The following ANKRD11 variants were observed in gnomAD, a reference collection of about 807,000 sequenced individuals.
ANKRD11 encodes the protein ankyrin repeat domain 11, also known as ankyrin repeat domain-containing protein 11.
A neutral mutation model predicts 195.7 loss-of-function variants in ANKRD11; 17 were observed. The observed-to-expected ratio is 0.09, with a 90% CI of 0.06 to 0.13. ANKRD11 has a LOEUF of 0.13. Among genes scored for constraint, ANKRD11 ranks in the 10% least tolerant of loss-of-function variants. The pLI, the probability that ANKRD11 is intolerant of heterozygous loss-of-function variation, is 1.00. For missense variants in ANKRD11, 3,735 were observed against 3,566.1 expected (o/e 1.05, Z -1.21); for synonymous variants, 1,953 against 1,528.1 (o/e 1.28, Z -6.49).
intron 2 of ANKRD11, among the ~76,000 whole-genome samples, chr16:89,335,893 G>C (rs551554360): frequency 4.6e-5 from 7 of 152,292 alleles, no homozygotes; most frequent in Middle Eastern, 6.8e-3. Flanking sequence ...ATCCCCACAC[G>C]CCAGCAGCTG....
intron 4 of ANKRD11, among the ~76,000 whole-genome samples, chr16:89,304,221 C>G (rs935453106): frequency 2.6e-5 from 4 of 152,202 alleles, no homozygotes; most frequent in African/African-American, 9.7e-5. Flanking sequence ...CTGCAGAAGG[C>G]GCTGACCCCA....
Position 89,305,226 on chromosome 16 carries a change from TCCC to T in ANKRD11, c.203_205del (p.Gly68del). On this transcript the variant is annotated inframe_deletion, in exon 4 of 13. Transcript: ENST00000301030. Reference sequence around the variant, plus strand: ...GGTACCTGTGTCCGAGTCCTTCTGCTCCCCATTGGCGCCCGCGGTGAAGGGCAG... The same window carrying T: ...GGTACCTGTGTCCGAGTCCTTCTGCTCATTGGCGCCCGCGGTGAAGGGCAG... The T allele has an allele frequency of 6.2e-7, 1 of 1,613,304 alleles. No individual in the cohort carries two copies. Among genetic ancestry groups the T allele is most frequent in the Non-Finnish European group, 8.5e-7 (1 of 1,179,866 alleles).
At chr16:89,445,972 A>G (rs910787884) in intron 1 of ANKRD11, among the ~76,000 whole-genome samples, 2 of 150,682 alleles carry the variant, frequency 1.3e-5, no homozygotes, top group Non-Finnish European at 3.0e-5. Context: ...TCCGTCTCAA[A>G]AACAAAAACA....
chr16:89,440,177 T>G (rs562429462), intron 1 of ANKRD11, among the ~76,000 whole-genome samples: 18 of 152,340 alleles, frequency 1.2e-4, no homozygotes, highest in African/African-American at 4.3e-4. Context: ...ATGGCAGGGT[T>G]CACAGGATTC....
intron 2 of ANKRD11, among the ~76,000 whole-genome samples, chr16:89,367,495 C>A (rs1269450848): frequency 6.6e-6 from 1 of 152,212 alleles, no homozygotes; most frequent in Admixed American, 6.5e-5. Context: ...GAGTGTACAG[C>A]TGCCATGGTC....
At chr16:89,408,399 T>A (rs1272322250) in intron 2 of ANKRD11, among the ~76,000 whole-genome samples, 1 of 152,228 alleles carries the variant, frequency 6.6e-6, no homozygotes, top group Non-Finnish European at 1.5e-5. Flanking sequence ...CCCAGTTGCC[T>A]GGGCAGAGGA....
At chr16:89,388,513 A>AAC (rs1460800199) in intron 2 of ANKRD11, among the ~76,000 whole-genome samples, 1 of 152,022 alleles carries the variant, frequency 6.6e-6, no homozygotes, top group Non-Finnish European at 1.5e-5. Flanking sequence ...GGTGCTGTCG[A>AAC]ACGCACACAC....
At chr16:89,314,620 C>A (rs1047926191) in intron 3 of ANKRD11, among the ~76,000 whole-genome samples, 2 of 152,190 alleles carry the variant, frequency 1.3e-5, no homozygotes, top group African/African-American at 4.8e-5. Context: ...GCCCAGCCTG[C>A]TGGTGTGTCA....
chr16:89,326,855 C>G (rs2037753903), intron 2 of ANKRD11, among the ~76,000 whole-genome samples: 1 of 152,186 alleles, frequency 6.6e-6, no homozygotes, highest in Non-Finnish European at 1.5e-5. Context: ...AAAGCCTGCC[C>G]GCCAGGGGCT....
chr16:89,334,960 T>C (rs1212690104), intron 2 of ANKRD11, among the ~76,000 whole-genome samples: 1 of 151,212 alleles, frequency 6.6e-6, no homozygotes, highest in Non-Finnish European at 1.5e-5. Flanking sequence ...AGCAGCAGAG[T>C]GGAGGGGAGG....
At chr16:89,401,178 C>G (rs1217041214) in intron 2 of ANKRD11, among the ~76,000 whole-genome samples, 1 of 148,810 alleles carries the variant, frequency 6.7e-6, no homozygotes, top group Non-Finnish European at 1.5e-5. Context: ...ATTGCAACCT[C>G]TGCCTCCCAA....
At chr16:89,449,326 C>T (rs925791674) in intron 1 of ANKRD11, among the ~76,000 whole-genome samples, 2 of 152,082 alleles carry the variant, frequency 1.3e-5, no homozygotes, top group Non-Finnish European at 2.9e-5. Flanking sequence ...GATCCCACCA[C>T]TGCATTCCAT....
intron 2 of ANKRD11, among the ~76,000 whole-genome samples, chr16:89,347,172 G>A (rs1343303440): frequency 6.6e-6 from 1 of 152,212 alleles, no homozygotes; most frequent in Non-Finnish European, 1.5e-5. Context: ...AAATGGAAAT[G>A]TGAATGAAAA....
rs1203708773 is a variant in ANKRD11 at position 89,415,477 on chromosome 16, G to A, written c.-60+2807C>T. 9.7e-4 allele frequency among the ~76,000 whole-genome samples: 141 copies of A among 145,782 alleles called. 2 individuals are homozygous for A. The highest frequency in any genetic ancestry group is 1.2e-4 in the Non-Finnish European group (8 of 66,966). On this transcript the variant is annotated intron_variant, in intron 2 of 12. Coordinates refer to ENST00000301030, the MANE Select transcript of ANKRD11 (RefSeq NM_013275.6). Reference sequence around the variant, plus strand: ...GACGGGGTTTCACCGTGTTAGCCAGGATGGTCTTGATCTCCTGACCTCATG... The same window carrying A: ...GACGGGGTTTCACCGTGTTAGCCAGAATGGTCTTGATCTCCTGACCTCATG...
chr16:89,423,555 G>C (rs1243129775), intron 1 of ANKRD11, among the ~76,000 whole-genome samples: 2 of 152,226 alleles, frequency 1.3e-5, no homozygotes, highest in Non-Finnish European at 2.9e-5. Context: ...GAGATGTGTG[G>C]TTAGAGTTAA....
chr16:89,274,330 C>T (rs74033730), intron 11 of ANKRD11, among the ~76,000 whole-genome samples: 5,580 of 152,264 alleles, frequency 0.037, 340 homozygotes, highest in African/African-American at 0.13. Flanking sequence ...CCCAGATGAG[C>T]GGCACACCTG....
rs755422031 is a variant in ANKRD11 at position 89,280,083 on chromosome 16, C to G, written c.6459G>C (p.Ala2153=). ...GAGCAAGACTTTCTTCCACGGGTTC[C>G]GCTTCACCATCTGCGGCATCTTTAG... The part of the protein sequence containing the change: ...LQTKDAADGE[A]EPVEESLAPP... The change falls in exon 9 of 13, where the codon GCG becomes GCC. Residue 2153 remains alanine (A), a synonymous_variant. Coordinates refer to ENST00000301030, the MANE Select transcript of ANKRD11 (RefSeq NM_013275.6). The G allele has an allele frequency of 2.5e-6, 4 of 1,613,152 alleles. No individual in the cohort carries two copies. Among genetic ancestry groups the G allele is most frequent in the Non-Finnish European group, 2.5e-6 (3 of 1,179,938 alleles).
chr16:89,303,233 A>G (rs907043876), intron 4 of ANKRD11, among the ~76,000 whole-genome samples: 1 of 152,170 alleles, frequency 6.6e-6, no homozygotes, highest in African/African-American at 2.4e-5. Context: ...TCTGAGGCCA[A>G]CTCCCGCATG....
intron 2 of ANKRD11, among the ~76,000 whole-genome samples, chr16:89,383,164 G>GC (rs1186359232): frequency 2.0e-5 from 3 of 152,244 alleles, no homozygotes; most frequent in Non-Finnish European, 4.4e-5. Flanking sequence ...AGCCGCCTGT[G>GC]CTGCTGAGTA....
Sources: gnomAD v4.1 joint callset for allele counts (sites outside exome capture counted in the v4.1 genomes callset) on GRCh38, gnomAD v4.1.1 for gene constraint, MANE v1.5 for transcripts, NCBI Gene and HGNC (gene_info 2026-07-23, HGNC 2026-07-21) for gene names.